FARP1: variants seen among roughly 807,000 people sequenced by gnomAD.
FARP1 encodes FERM, ARH/RhoGEF and pleckstrin domain protein 1.
Under a neutral mutation model 128.8 loss-of-function variants are expected in FARP1, and 52 were observed. The observed-to-expected ratio is 0.40, with a 90% CI of 0.32 to 0.51. The LOEUF (loss-of-function observed/expected upper bound fraction) is 0.51. FARP1 is among the 20% of genes least tolerant of loss of function. The pLI is 0.45. For synonymous variants in FARP1, 580 were observed against 551.8 expected, an observed-to-expected ratio of 1.05 and a Z score of -0.72; for missense variants, 1,333 against 1,367.9, an observed-to-expected ratio of 0.97 and a Z score of 0.40.
chr13:98,246,336 C>CCG (rs35036482), intron 2 of FARP1, among the ~76,000 whole-genome samples: 126,555 of 148,400 alleles, frequency 0.85, 53,995 homozygotes, highest in East Asian at 0.95. Flanking sequence ...ACCTCGTGAT[C>CCG]CCCGCCTCGG....
At chr13:98,201,297 G>A (rs776078090) in intron 1 of FARP1, among the ~76,000 whole-genome samples, 1 of 152,176 alleles carries the variant, frequency 6.6e-6, no homozygotes, top group Non-Finnish European at 1.5e-5. Context: ...AAAAACCTAC[G>A]TGGGCATGGT....
At chr13:98,417,144 A>G (rs1394151648) in intron 16 of FARP1, among the ~76,000 whole-genome samples, 4 of 152,156 alleles carry the variant, frequency 2.6e-5, no homozygotes, top group Non-Finnish European at 5.9e-5. Context: ...AGCCAGGAAG[A>G]AAGAAGCATA....
rs531362470 is a variant in FARP1 at position 98,384,949 on chromosome 13, A to T, written c.611+105A>T. 60 of 708,862 alleles carry T rather than the reference A, an allele frequency of 8.5e-5. 2 individuals carry two copies. In the East Asian group the frequency reaches 1.2e-3, roughly 14 times the overall value. The allele number at this position is 708,862 out of a possible 1,614,324, so 43.9% of individuals were successfully genotyped here. A position where few individuals can be genotyped will look rare whatever the true frequency, so the allele number is the denominator to read the frequency against. On this transcript the variant is annotated intron_variant, in intron 7 of 26. Transcript: ENST00000319562. ...CCCCCCACACAAACTATTGTGGAGA[A>T]CAACACAAAGCGTGAGGAAAGAAGA... is the stretch of plus-strand genomic sequence containing the variant.
chr13:98,288,695 ACAG>A (rs1885310577), intron 2 of FARP1, among the ~76,000 whole-genome samples: 1 of 152,202 alleles, frequency 6.6e-6, no homozygotes, highest in African/African-American at 2.4e-5. Flanking sequence ...AGTGGTGCCT[ACAG>A]ACGGATCATT....
At chr13:98,388,005 C>G (rs1890164775) in intron 8 of FARP1, among the ~76,000 whole-genome samples, 1 of 152,180 alleles carries the variant, frequency 6.6e-6, no homozygotes, top group Non-Finnish European at 1.5e-5. Flanking sequence ...TTTATCATAT[C>G]AGGGTTGTTA....
intron 15 of FARP1, among the ~76,000 whole-genome samples, 181 bp from the exon 16 acceptor site, chr13:98,411,720 C>A (rs1173458616): frequency 6.6e-6 from 1 of 152,160 alleles, no homozygotes; most frequent in Non-Finnish European, 1.5e-5. Context: ...CTTACCCCGT[C>A]TAAGGAAAGA....
intron 5 of FARP1, among the ~76,000 whole-genome samples, chr13:98,375,929 T>C (rs1039394375): frequency 6.6e-6 from 1 of 152,042 alleles, no homozygotes. Context: ...AACAGGTAAT[T>C]GTAAGAGGGA....
At chr13:98,361,564 C>T (rs2139950016) in intron 3 of FARP1, among the ~76,000 whole-genome samples, 1 of 152,312 alleles carries the variant, frequency 6.6e-6, no homozygotes, top group Middle Eastern at 3.4e-3. Context: ...GGACAGCAGG[C>T]TCCCAGTGCG....
chr13:98,278,568 C>T (rs9513390), intron 2 of FARP1, among the ~76,000 whole-genome samples: 12,697 of 152,082 alleles, frequency 0.083, 1,069 homozygotes, highest in African/African-American at 0.22. Flanking sequence ...CCCTGGAGAA[C>T]ATCCTTCGTT....
chr13:98,224,572 A>C (rs188463538), intron 2 of FARP1, among the ~76,000 whole-genome samples: 13 of 151,408 alleles, frequency 8.6e-5, no homozygotes, highest in Non-Finnish European at 1.5e-4. Flanking sequence ...ACACAAAACA[A>C]TAGGTAGTTA....
rs1491453247 is a variant in FARP1, at chr13:98,417,455, G to GGGAAAAAAAA, written c.1826+5421_1826+5422insGGAAAAAAAA. 2.1e-3 allele frequency among the ~76,000 whole-genome samples: 123 copies of GGGAAAAAAAA among 58,482 alleles called. 4 individuals are homozygous for GGGAAAAAAAA. Among genetic ancestry groups the GGGAAAAAAAA allele is most frequent in the Middle Eastern group, 9.6e-3 (1 of 104 alleles). 38.4% of individuals were successfully genotyped at this position (58,482 alleles called of 152,430 possible). On this transcript the variant is annotated intron_variant, in intron 16 of 26. Transcript: ENST00000319562. ...AGGAAACAGAGGCCACCAGAGGTTT[G>GGGAAAAAAAA]AAAAAAAAAAAAAAAAAAAAAAAAA...
intron 13 of FARP1, chr13:98,397,336 C>T (rs990926258): frequency 6.6e-6 from 1 of 152,142 alleles, no homozygotes; most frequent in African/African-American, 2.4e-5. Flanking sequence ...TAAATGCCTG[C>T]CTTTGAATTG....
At chr13:98,204,275 G>A (rs945042641) in intron 1 of FARP1, 1 of 152,148 alleles carries the variant, frequency 6.6e-6, no homozygotes, top group Non-Finnish European at 1.5e-5. Flanking sequence ...ATATCTTATT[G>A]TGTGTATAAT....
intron 13 of FARP1, among the ~76,000 whole-genome samples, chr13:98,408,568 A>G (rs1594501832): frequency 6.6e-6 from 1 of 152,092 alleles, no homozygotes; most frequent in South Asian, 2.1e-4. Context: ...ACCTCAGGCA[A>G]TCCGCCTGCC....
chr13:98,289,442 A>G (rs977449516), intron 2 of FARP1, among the ~76,000 whole-genome samples: 13 of 152,274 alleles, frequency 8.5e-5, no homozygotes, highest in Admixed American at 8.5e-4. Context: ...AAATGCATCT[A>G]TTTCCAATGA....
chr13:98,384,452 C>G (rs879701496), intron 6 of FARP1: 8 of 426,988 alleles, frequency 1.9e-5, no homozygotes, highest in Non-Finnish European at 3.0e-5. Flanking sequence ...CCTGGACTCC[C>G]AAAGTGCTGA....
At chr13:98,380,450 G>A (rs1403983848) in intron 6 of FARP1, among the ~76,000 whole-genome samples, 1 of 151,628 alleles carries the variant, frequency 6.6e-6, no homozygotes, top group Non-Finnish European at 1.5e-5. Context: ...AAGAAGAGTG[G>A]ATTTTAAGTG....
At chr13:98,277,148 A>ACACACACACACACACACCC (rs372627844) in intron 2 of FARP1, among the ~76,000 whole-genome samples, 2 of 138,656 alleles carry the variant, frequency 1.4e-5, no homozygotes, top group South Asian at 2.3e-4. Flanking sequence ...ACACACACAC[A>ACACACACACACACACACCC]CCCCATATGT....
intron 2 of FARP1, among the ~76,000 whole-genome samples, chr13:98,281,829 C>T (rs1485125059): frequency 6.6e-6 from 1 of 152,142 alleles, no homozygotes; most frequent in Non-Finnish European, 1.5e-5. Flanking sequence ...AGCTAATTTT[C>T]TGTTAACTGA....
Sources: allele counts gnomAD v4.1 joint callset (sites outside exome capture counted in the v4.1 genomes callset), GRCh38; gene constraint gnomAD v4.1.1; transcripts MANE v1.5; gene names NCBI Gene and HGNC (gene_info 2026-07-23, HGNC 2026-07-21).